Variants in TRPM1 observed in about 807,000 individuals in gnomAD.
TRPM1 encodes the protein TRPM1-203 APA Isoform, Intron 10.
Under a neutral mutation model 149.4 loss-of-function variants are expected in TRPM1, and 113 were observed. The ratio of observed to expected loss-of-function variants is 0.76; its 90% confidence interval spans 0.65 to 0.88. TRPM1 has a LOEUF of 0.88. TRPM1 is among the 40% of genes least tolerant of loss of function. The pLI is 0.00. For missense variants in TRPM1, 1,976 were observed against 2,038.7 expected (o/e 0.97, Z 0.59); for synonymous variants, 741 against 759.5 (o/e 0.98, Z 0.40).
intron 11 of TRPM1, among the ~76,000 whole-genome samples, chr15:31,057,910 C>G (rs570116860): frequency 1.3e-5 from 2 of 152,180 alleles, no homozygotes; most frequent in African/African-American, 4.8e-5. Context: ...GCTCTTTTCT[C>G]TCTCTCATGG....
chr15:31,062,127 T>G (rs961237193), intron 9 of TRPM1, among the ~76,000 whole-genome samples: 2 of 152,198 alleles, frequency 1.3e-5, no homozygotes, highest in African/African-American at 4.8e-5. Context: ...CAAAGTCGTA[T>G]CTAATCAGAC....
chr15:31,156,676 G>A lies in TRPM1; in HGVS notation c.54+4230C>T, dbSNP rs573884538. ...TCACATGTATTGACTGATCTTTTACGTCTCCCTATAATGTATAAAGCCAAG... is the reference window on the plus strand; with the variant it reads ...TCACATGTATTGACTGATCTTTTACATCTCCCTATAATGTATAAAGCCAAG... On this transcript the variant is annotated intron_variant, in intron 1 of 26. Transcript: ENST00000542188. Among the ~76,000 whole-genome samples, 28 of 152,114 alleles carry A rather than the reference G, an allele frequency of 1.8e-4. No homozygotes were observed. The South Asian group carries it at 2.5e-3, about 14-fold the overall frequency.
Position 31,068,099 on chromosome 15 carries a change from A to G in TRPM1, c.280-7T>C. The G allele has an allele frequency of 6.2e-7, 1 of 1,611,528 alleles. No individual in the cohort carries two copies. Among genetic ancestry groups the G allele is most frequent in the Non-Finnish European group, 8.5e-7 (1 of 1,177,648 alleles). ...CATAGGATACACGGATATACTGTGA[A>G]AGAGTGTGTGGCACTCAGCCTCTGT... On this transcript the variant is annotated splice_region_variant and splice_polypyrimidine_tract_variant and intron_variant, in intron 4 of 27. Transcript: ENST00000256552.
At chr15:31,063,414 T>C (rs1458345315) in intron 7 of TRPM1, 122 bp from the exon 8 acceptor site, 1 of 1,269,220 alleles carries the variant, frequency 7.9e-7, no homozygotes, top group East Asian at 2.3e-5. Context: ...TCTATCTGGC[T>C]GGAAGGAATT....
At position 31,068,087 on chromosome 15, in the gene TRPM1, G is replaced by A; in HGVS notation, c.285C>T (p.Ile95=). The A allele has an allele frequency of 6.2e-7, 1 of 1,613,258 alleles. No individual in the cohort carries two copies. Among genetic ancestry groups the A allele is most frequent in the African/African-American group, 1.3e-5 (1 of 75,050 alleles). ...CTGGCTTGGTGTCATAGGATACACG[G>A]ATATACTGTGAAAGAGTGTGTGGCA... ...GGGYSNKAMY[I]RVSYDTKPDS... The change falls in exon 5 of 28, where the codon ATC becomes ATT. Residue 95 remains isoleucine, a synonymous_variant. Coordinates refer to ENST00000256552, the MANE Select transcript of TRPM1 (RefSeq NM_001252024.2).
At chr15:31,142,195 G>T (rs2036171023) in intron 1 of TRPM1, among the ~76,000 whole-genome samples, 1 of 152,086 alleles carries the variant, frequency 6.6e-6, no homozygotes, top group South Asian at 2.1e-4. Flanking sequence ...CTATTTTTAA[G>T]GGTGTCTCCC....
chr15:31,065,193 C>G (rs1289718099), intron 7 of TRPM1: 1 of 514,148 alleles, frequency 1.9e-6, no homozygotes, highest in Non-Finnish European at 4.0e-6. Context: ...GATGTGAGAA[C>G]AAAAAACATT....
At chr15:31,018,744 C>T (rs2032456170) in intron 27 of TRPM1, among the ~76,000 whole-genome samples, 1 of 152,256 alleles carries the variant, frequency 6.6e-6, no homozygotes, top group Non-Finnish European at 1.5e-5. Flanking sequence ...TGGCTCACTG[C>T]AAACTCCGCC....
chr15:31,006,580 G>A (rs2141105920), intron 27 of TRPM1, among the ~76,000 whole-genome samples: 1 of 152,328 alleles, frequency 6.6e-6, no homozygotes, highest in East Asian at 1.9e-4. Context: ...AAACATTCAT[G>A]TACAGGTTTT....
At chr15:31,053,801 A>T (rs2034012024) in intron 11 of TRPM1, among the ~76,000 whole-genome samples, 1 of 152,250 alleles carries the variant, frequency 6.6e-6, no homozygotes, top group African/African-American at 2.4e-5. Flanking sequence ...CTACATTCAT[A>T]GCAGCATTAT....
intron 1 of TRPM1, among the ~76,000 whole-genome samples, chr15:31,154,602 T>G (rs2036343840): frequency 6.6e-6 from 1 of 152,212 alleles, no homozygotes; most frequent in South Asian, 2.1e-4. Flanking sequence ...ATAACAGCCC[T>G]TTCCCAAAGC....
chr15:31,081,055 T>A (rs952272212), intron 2 of TRPM1, among the ~76,000 whole-genome samples: 1 of 152,076 alleles, frequency 6.6e-6, no homozygotes, highest in Non-Finnish European at 1.5e-5. Context: ...CAGGGCCCCC[T>A]GTCCCCCCCC....
In TRPM1 at chr15:31,002,769, G is replaced by C; in HGVS notation, c.3931C>G (p.Leu1311Val). The C allele has an allele frequency of 6.2e-7, 1 of 1,614,202 alleles. No individual in the cohort carries two copies. The highest frequency in any genetic ancestry group is 8.5e-7 in the Non-Finnish European group (1 of 1,180,032). ...ACTCCTGTCCCTGGTGACGTGGAGA[G>C]AGATGTATCCTCAAATAATAACTCT... Reference protein sequence around the residue: ...GEELLFEDTSLSTSPGTGVRK... With the variant: ...GEELLFEDTSVSTSPGTGVRK... The change falls in exon 28 of 28, where the codon CTC becomes GTC. Residue 1311 changes from leucine (L) to valine (V), a missense_variant. By Grantham distance (32) the Leu-to-Val change is conservative (BLOSUM62 1). This residue lies in a region of TRPM1 where 572 missense variants were observed against 578.9 expected (regional missense o/e 0.99). Transcript: ENST00000256552.
At chr15:31,062,345 G>A (rs2034255880) in intron 9 of TRPM1, among the ~76,000 whole-genome samples, 1 of 152,156 alleles carries the variant, frequency 6.6e-6, no homozygotes, top group Admixed American at 6.5e-5. Context: ...GGTGTTGTGT[G>A]GTGTCATGCC....
chr15:31,046,323 CGAAT>C, intron 15 of TRPM1, 90 bp from the exon 16 acceptor site: 1 of 1,267,134 alleles, frequency 7.9e-7, no homozygotes, highest in East Asian at 2.3e-5. Context: ...AGTGGACATA[CGAAT>C]GGATTAAAAA....
chr15:31,125,724 C>T (rs1215892082), intron 1 of TRPM1, among the ~76,000 whole-genome samples: 111 of 56,546 alleles, frequency 2.0e-3, no homozygotes, highest in Admixed American at 9.5e-3. Flanking sequence ...AGCGAGACTC[C>T]GTCTCAAAAA....
At chr15:31,088,445 A>G (rs1388264662) in intron 1 of TRPM1, among the ~76,000 whole-genome samples, 46 of 152,144 alleles carry the variant, frequency 3.0e-4, no homozygotes, top group Non-Finnish European at 1.2e-4. Flanking sequence ...TGTAACACTG[A>G]CTGTACGGTA....
At chr15:31,101,509 C>G (rs1417258929) in intron 1 of TRPM1, 148 bp downstream of exon 1, 12 of 305,424 alleles carry the variant, frequency 3.9e-5, no homozygotes, top group Non-Finnish European at 5.8e-5. Flanking sequence ...TGCACCTGAG[C>G]CTACCTGCAC....
intron 13 of TRPM1, 95 bp downstream of exon 13, chr15:31,049,279 GA>G (rs1244847747): frequency 6.4e-7 from 1 of 1,571,488 alleles, no homozygotes; most frequent in East Asian, 2.2e-5. Flanking sequence ...CCAGCTGAAG[GA>G]GGTCAGATGA....
Sources: allele counts gnomAD v4.1 joint callset (sites outside exome capture counted in the v4.1 genomes callset), GRCh38; gene constraint gnomAD v4.1.1; regional missense constraint gnomAD v4.1.1; transcripts MANE v1.5; gene names NCBI Gene and HGNC (gene_info 2026-07-23, HGNC 2026-07-21).